Variants in GPM6A observed in about 807,000 individuals in gnomAD.
GPM6A encodes the protein glycoprotein M6A.
GPM6A carries 7 observed loss-of-function variants against 32.1 expected under a neutral mutation model. The ratio of observed to expected loss-of-function variants is 0.22; its 90% CI spans 0.12 to 0.41. The LOEUF is 0.41. Among genes scored for constraint, GPM6A ranks in the 10% least tolerant of loss-of-function variants. The probability of loss-of-function intolerance (pLI) is 1.00; values close to 1 mark genes in which losing one functional copy is unlikely to be tolerated. For synonymous variants in GPM6A, 130 were observed against 123.4 expected, an observed-to-expected ratio of 1.05 and a Z score of -0.35; for missense variants, 235 against 347.2, an observed-to-expected ratio of 0.68 and a Z score of 2.57.
intron 2 of GPM6A, 67 bp from the exon 3 acceptor site, chr4:175,673,903 C>T: frequency 1.0e-6 from 1 of 997,230 alleles, no homozygotes; most frequent in South Asian, 1.7e-5. Flanking sequence ...AATTGATTCT[C>T]ACATGCTCAT....
intron 1 of GPM6A, chr4:175,970,764 T>C (rs1347340485): frequency 2.4e-6 from 1 of 423,630 alleles, no homozygotes; most frequent in Non-Finnish European, 4.6e-6. Context: ...AAGGAAGGAA[T>C]TGCAACTAAA....
intron 1 of GPM6A, among the ~76,000 whole-genome samples, chr4:175,835,046 T>C (rs538332540): frequency 3.3e-5 from 5 of 152,322 alleles, no homozygotes; most frequent in African/African-American, 1.2e-4. Flanking sequence ...TGTGCATTCA[T>C]GCCTTGAGAA....
chr4:175,768,554 A>C (rs1733062952), intron 1 of GPM6A, among the ~76,000 whole-genome samples: 1 of 152,168 alleles, frequency 6.6e-6, no homozygotes, highest in Non-Finnish European at 1.5e-5. Flanking sequence ...TATAGTGACT[A>C]ACTCAAGCAA....
At chr4:175,730,662 C>G (rs1424326246) in intron 1 of GPM6A, among the ~76,000 whole-genome samples, 2 of 151,954 alleles carry the variant, frequency 1.3e-5, no homozygotes, top group Non-Finnish European at 2.9e-5. Flanking sequence ...TTAGTAGAGA[C>G]GGGGTTTCAC....
At chr4:175,915,133 A>C (rs1738450708) in intron 1 of GPM6A, among the ~76,000 whole-genome samples, 1 of 152,238 alleles carries the variant, frequency 6.6e-6, no homozygotes, top group Non-Finnish European at 1.5e-5. Flanking sequence ...CAAGTTATGA[A>C]AATCAAATGT....
At chr4:175,869,827 C>T (rs1560972469) in intron 1 of GPM6A, among the ~76,000 whole-genome samples, 1 of 152,082 alleles carries the variant, frequency 6.6e-6, no homozygotes, top group Non-Finnish European at 1.5e-5. Flanking sequence ...AAGTATTTTT[C>T]TAAACAATTC....
intron 4 of GPM6A, among the ~76,000 whole-genome samples, chr4:175,643,407 G>A (rs2110892917): frequency 6.6e-6 from 1 of 152,244 alleles, no homozygotes; most frequent in East Asian, 1.9e-4. Context: ...CTACTGTCTT[G>A]TTCTACTTCA....
At chr4:175,730,825 C>T (rs72702654) in intron 1 of GPM6A, among the ~76,000 whole-genome samples, 1 of 151,980 alleles carries the variant, frequency 6.6e-6, no homozygotes, top group Non-Finnish European at 1.5e-5. Context: ...CCCATGTTCA[C>T]CAAAGTACAT....
intron 1 of GPM6A, chr4:175,806,147 G>A (rs1483871483): frequency 6.6e-6 from 1 of 152,192 alleles, no homozygotes; most frequent in African/African-American, 2.4e-5. Context: ...TGGTGGGGAG[G>A]GGTTTTTGCT....
Sources: allele counts gnomAD v4.1 joint callset (sites outside exome capture counted in the v4.1 genomes callset), GRCh38; gene constraint gnomAD v4.1.1; transcripts MANE v1.5; gene names NCBI Gene and HGNC (gene_info 2026-07-23, HGNC 2026-07-21).